The following ITPR2 variants were observed in gnomAD, a reference collection of about 807,000 sequenced individuals.
The protein encoded by ITPR2 is inositol 1,4,5-trisphosphate receptor type 2, also known as inositol 1,4,5-trisphosphate-gated calcium channel ITPR2.
Under a neutral mutation model 317.1 loss-of-function variants are expected in ITPR2, and 207 were observed. The observed-to-expected ratio is 0.65, with a 90% CI of 0.58 to 0.73. The LOEUF is 0.73. Ranked by LOEUF, ITPR2 falls within the 30% of genes least tolerant of loss-of-function variation. The pLI is 0.00. For synonymous variants in ITPR2, 1,156 were observed against 1,149.1 expected, an observed-to-expected ratio of 1.01 and a Z score of -0.12; for missense variants, 2,613 against 3,284.0, an observed-to-expected ratio of 0.80 and a Z score of 4.99.
At chr12:26,737,414 C>A (rs2137074896) in intron 2 of ITPR2, among the ~76,000 whole-genome samples, 1 of 152,216 alleles carries the variant, frequency 6.6e-6, no homozygotes, top group African/African-American at 2.4e-5. Flanking sequence ...CCCTACGACG[C>A]CCAGCTAATT....
intron 1 of ITPR2, among the ~76,000 whole-genome samples, chr12:26,830,632 T>G (rs971641534): frequency 5.3e-5 from 8 of 152,256 alleles, no homozygotes; most frequent in African/African-American, 1.9e-4. Flanking sequence ...CTTCCTGATA[T>G]GCCATCTATA....
rs141129424 is a variant in ITPR2 at position 26,359,392 on chromosome 12, A to G, written c.7858-19064T>C. 4.5e-3 allele frequency among the ~76,000 whole-genome samples: 683 copies of G among 152,320 alleles called. 4 individuals are homozygous for G. The highest frequency in any genetic ancestry group is 7.6e-3 in the Non-Finnish European group (514 of 68,018). On this transcript the variant is annotated intron_variant, in intron 55 of 56. Coordinates refer to ENST00000381340, the MANE Select transcript of ITPR2 (RefSeq NM_002223.4). ...ATGCTCAGATATACAGGGAACCAAG[A>G]AAGCAGGCTATGATTTAAAAGTCAG...
At chr12:26,653,235 A>ATGTT (rs1947295158) in intron 21 of ITPR2, among the ~76,000 whole-genome samples, 1 of 142,908 alleles carries the variant, frequency 7.0e-6, no homozygotes, top group African/African-American at 2.6e-5. Context: ...CTTTCCTTGA[A>ATGTT]TCTTTCTTTT....
At chr12:26,411,568 A>C (rs995349454) in intron 51 of ITPR2, among the ~76,000 whole-genome samples, 156 bp from the exon 52 acceptor site, 1 of 152,234 alleles carries the variant, frequency 6.6e-6, no homozygotes, top group African/African-American at 2.4e-5. Context: ...TTCTGAACAC[A>C]GTTTTGCCTA....
chr12:26,741,223 G>C (rs941167867), intron 2 of ITPR2, among the ~76,000 whole-genome samples: 3 of 152,250 alleles, frequency 2.0e-5, no homozygotes, highest in Non-Finnish European at 4.4e-5. Flanking sequence ...GGCAGAGGTG[G>C]CGCCTTCCAG....
At chr12:26,730,800 C>G (rs1372613500) in intron 2 of ITPR2, among the ~76,000 whole-genome samples, 1 of 152,152 alleles carries the variant, frequency 6.6e-6, no homozygotes, top group Non-Finnish European at 1.5e-5. Context: ...CTTACAAATG[C>G]TAGCAGAGGG....
At chr12:26,438,803 G>A (rs1941420152) in intron 47 of ITPR2, among the ~76,000 whole-genome samples, 1 of 152,180 alleles carries the variant, frequency 6.6e-6, no homozygotes, top group African/African-American at 2.4e-5. Context: ...GCCAGTCAGG[G>A]CCCATTCACG....
intron 35 of ITPR2, among the ~76,000 whole-genome samples, 187 bp from the exon 36 acceptor site, chr12:26,556,562 T>TGTG (rs1319543594): frequency 0.013 from 1,252 of 99,164 alleles, 16 homozygotes; most frequent in African/African-American, 0.033. Context: ...CTCTATTTTT[T>TGTG]TTTTTGTGTG....
intron 37 of ITPR2, among the ~76,000 whole-genome samples, chr12:26,538,314 T>C (rs1944157431): frequency 6.6e-6 from 1 of 151,324 alleles, no homozygotes; most frequent in Non-Finnish European, 1.5e-5. Context: ...GAAAGTTAGA[T>C]AAGAATATAT....
Position 26,621,305 on chromosome 12 carries a change from G to T in ITPR2, c.3289-9C>A, listed in dbSNP as rs575383249. The T allele has an allele frequency of 1.7e-5, 27 of 1,591,600 alleles. No individual in the cohort carries two copies. The highest frequency in any genetic ancestry group is 2.1e-5 in the Non-Finnish European group (25 of 1,166,862). ...GACACCAGTAATTGCACCTAAAACA[G>T]AAGAATTTCAATCTTAGTTGAAGTT... On this transcript the variant is annotated splice_polypyrimidine_tract_variant and intron_variant, in intron 25 of 56. Transcript: ENST00000381340.
At chr12:26,340,548 G>A (rs578118661) in intron 55 of ITPR2, among the ~76,000 whole-genome samples, 13 of 152,322 alleles carry the variant, frequency 8.5e-5, no homozygotes, top group Admixed American at 8.5e-4. Flanking sequence ...CGGGCTTCCA[G>A]GGAGGTTCCG....
chr12:26,728,866 A>T (rs908925552), intron 2 of ITPR2, among the ~76,000 whole-genome samples: 10 of 152,234 alleles, frequency 6.6e-5, no homozygotes, highest in Non-Finnish European at 1.3e-4. Flanking sequence ...TAAGATGAAG[A>T]GATGACTAAA....
At chr12:26,619,255 C>CA (rs1475595415) in intron 26 of ITPR2, among the ~76,000 whole-genome samples, 3 of 152,176 alleles carry the variant, frequency 2.0e-5, no homozygotes, top group Non-Finnish European at 4.4e-5. Flanking sequence ...CCATAGTAAA[C>CA]AACACAGTGT....
chr12:26,703,495 T>A (rs1044309941), intron 9 of ITPR2, among the ~76,000 whole-genome samples: 22 of 152,172 alleles, frequency 1.4e-4, no homozygotes, highest in African/African-American at 5.3e-4. Flanking sequence ...AATTCTTTGT[T>A]GGGAGGGGCT....
intron 26 of ITPR2, among the ~76,000 whole-genome samples, chr12:26,615,429 G>A (rs966893687): frequency 3.3e-5 from 5 of 152,154 alleles, no homozygotes; most frequent in African/African-American, 1.2e-4. Flanking sequence ...CAGACTTGAA[G>A]AGAGACTCAG....
At chr12:26,430,098 C>T (rs1159130518) in intron 48 of ITPR2, among the ~76,000 whole-genome samples, 1 of 152,186 alleles carries the variant, frequency 6.6e-6, no homozygotes, top group Non-Finnish European at 1.5e-5. Flanking sequence ...AGTATAGTAG[C>T]TTGCACATAG....
intron 39 of ITPR2, among the ~76,000 whole-genome samples, chr12:26,492,262 A>G (rs531690998): frequency 5.3e-5 from 8 of 152,318 alleles, no homozygotes; most frequent in Admixed American, 2.6e-4. Context: ...TAGGGGAACA[A>G]CTTGCCAGGA....
intron 51 of ITPR2, among the ~76,000 whole-genome samples, chr12:26,414,050 T>TACACACACAC (rs777855580): frequency 0.06 from 8,268 of 138,126 alleles, 328 homozygotes; most frequent in East Asian, 0.13. Flanking sequence ...TGTATATATG[T>TACACACACAC]ACACACACAC....
At chr12:26,492,903 GTGTA>G (rs1395774639) in intron 39 of ITPR2, among the ~76,000 whole-genome samples, 1 of 63,154 alleles carries the variant, frequency 1.6e-5, no homozygotes, top group Non-Finnish European at 4.7e-5. Flanking sequence ...ATATGTGTGT[GTGTA>G]TGTGTGTGTG....
Sources: allele counts gnomAD v4.1 joint callset (sites outside exome capture counted in the v4.1 genomes callset), GRCh38; gene constraint gnomAD v4.1.1; transcripts MANE v1.5; gene names NCBI Gene and HGNC (gene_info 2026-07-23, HGNC 2026-07-21).